The following PCCA variants were observed in gnomAD, a reference collection of about 807,000 sequenced individuals.
The protein encoded by PCCA is propionyl-CoA carboxylase subunit alpha, also known as propionyl-CoA carboxylase alpha chain, mitochondrial.
In PCCA, 74 loss-of-function variants were observed where a neutral mutation model predicts 101.3. That is an observed-to-expected ratio of 0.73 (90% CI 0.61 to 0.89). The LOEUF is 0.89. PCCA is among the 40% of genes least tolerant of loss of function. The pLI is 0.00. For missense variants in PCCA, 891 were observed against 907.0 expected (o/e 0.98, Z 0.23); for synonymous variants, 294 against 313.6 (o/e 0.94, Z 0.66).
At chr13:100,497,611 CAA>C (rs1421121476) in intron 21 of PCCA, among the ~76,000 whole-genome samples, 6 of 152,062 alleles carry the variant, frequency 3.9e-5, no homozygotes, top group Non-Finnish European at 8.8e-5. Context: ...AAATTCATGC[CAA>C]GTCATTTCCT....
At chr13:100,455,781 C>T (rs2081662689) in intron 21 of PCCA, among the ~76,000 whole-genome samples, 1 of 152,094 alleles carries the variant, frequency 6.6e-6, no homozygotes, top group African/African-American at 2.4e-5. Flanking sequence ...CTCACTCCAA[C>T]CTCCACCTCC....
chr13:100,184,105 A>C (rs2057037221), intron 6 of PCCA, among the ~76,000 whole-genome samples: 1 of 152,194 alleles, frequency 6.6e-6, no homozygotes, highest in African/African-American at 2.4e-5. Context: ...GGAAACTTAC[A>C]GTCATGGTGG....
chr13:100,257,550 A>G (rs191260627), intron 8 of PCCA, 45 bp from the exon 9 acceptor site: 3 of 1,310,598 alleles, frequency 2.3e-6, no homozygotes, highest in Admixed American at 1.7e-5. Context: ...CATACATCCC[A>G]ATGATCAAAG....
At chr13:100,291,240 T>C (rs1250691901) in intron 12 of PCCA, among the ~76,000 whole-genome samples, 1 of 152,128 alleles carries the variant, frequency 6.6e-6, no homozygotes, top group Non-Finnish European at 1.5e-5. Context: ...ATCATGCCAC[T>C]GCACTGAAGC....
In PCCA at chr13:100,451,715, C is replaced by CCTCTCTCTCTCT. The variant is rs71114697; in HGVS notation, c.1899+2423_1899+2434dup. On this transcript the variant is annotated intron_variant, in intron 21 of 23. Coordinates refer to ENST00000376285, the MANE Select transcript of PCCA (RefSeq NM_000282.4). ...CTCCTCTTCCCCTCCTCTCCTCTCT[C>CCTCTCTCTCTCT]CTCTCTCTCTCTCTCTCTCTCTCTT... Among the ~76,000 whole-genome samples the CCTCTCTCTCTCT allele has an allele frequency of 6.2e-3, 600 of 96,074 alleles. 22 individuals carry two copies. The highest frequency in any genetic ancestry group is 0.025 in the African/African-American group (546 of 22,040). 63.0% of individuals were successfully genotyped at this position (96,074 alleles called of 152,430 possible). A position where few individuals can be genotyped will look rare whatever the true frequency, so the allele number is the denominator to read the frequency against.
intron 20 of PCCA, among the ~76,000 whole-genome samples, chr13:100,434,074 T>C (rs2079753426): frequency 6.6e-6 from 1 of 152,214 alleles, no homozygotes; most frequent in Non-Finnish European, 1.5e-5. Flanking sequence ...TCTCTTGTAC[T>C]ATTTCTTCCT....
intron 6 of PCCA, among the ~76,000 whole-genome samples, chr13:100,196,008 A>C (rs971868215): frequency 6.6e-6 from 1 of 152,196 alleles, no homozygotes; most frequent in African/African-American, 2.4e-5. Context: ...GAAATGGAAA[A>C]CACTAACATA....
intron 6 of PCCA, among the ~76,000 whole-genome samples, chr13:100,179,608 C>T (rs2056595744): frequency 6.6e-6 from 1 of 152,156 alleles, no homozygotes; most frequent in South Asian, 2.1e-4. Flanking sequence ...AATTACCATG[C>T]TTTCTTTATC....
chr13:100,445,002 G>A (rs953219311), intron 20 of PCCA, among the ~76,000 whole-genome samples: 2 of 152,126 alleles, frequency 1.3e-5, no homozygotes, highest in Non-Finnish European at 2.9e-5. Context: ...TATTTGGCTC[G>A]TGATTCTGAT....
chr13:100,094,350 C>G (rs559224068), intron 1 of PCCA, among the ~76,000 whole-genome samples: 11 of 151,712 alleles, frequency 7.3e-5, no homozygotes, highest in Non-Finnish European at 1.3e-4. Context: ...TTTGACAACA[C>G]TCTTGAATAG....
At chr13:100,107,714 CTT>C (rs950929548) in intron 2 of PCCA, among the ~76,000 whole-genome samples, 2 of 152,120 alleles carry the variant, frequency 1.3e-5, no homozygotes, top group African/African-American at 4.8e-5. Flanking sequence ...CCTTAGTTTT[CTT>C]ATTTGTAAAA....
At chr13:100,453,234 GC>G (rs2081462176) in intron 21 of PCCA, among the ~76,000 whole-genome samples, 1 of 152,112 alleles carries the variant, frequency 6.6e-6, no homozygotes, top group South Asian at 2.1e-4. Context: ...GGGCATGGTG[GC>G]TCACACCTGT....
chr13:100,483,387 C>G (rs1187159535), intron 21 of PCCA, among the ~76,000 whole-genome samples: 1 of 152,236 alleles, frequency 6.6e-6, no homozygotes, highest in Non-Finnish European at 1.5e-5. Context: ...CTTTTCTCCT[C>G]TCAGCACACA....
chr13:100,328,412 TA>T (rs2069001076), intron 16 of PCCA, among the ~76,000 whole-genome samples: 1 of 148,878 alleles, frequency 6.7e-6, no homozygotes, highest in South Asian at 2.1e-4. Context: ...ATAATGATGA[TA>T]ATAATAATAT....
intron 12 of PCCA, among the ~76,000 whole-genome samples, chr13:100,289,526 GATTTT>G (rs2064967660): frequency 6.6e-6 from 1 of 151,434 alleles, no homozygotes; most frequent in Non-Finnish European, 1.5e-5. Flanking sequence ...TTAAATACTT[GATTTT>G]ATTTATTTTA....
At chr13:100,196,332 A>G (rs1322586165) in intron 6 of PCCA, among the ~76,000 whole-genome samples, 6 of 152,200 alleles carry the variant, frequency 3.9e-5, no homozygotes, top group Non-Finnish European at 8.8e-5. Context: ...CAGATATTAA[A>G]AACAGAAAGT....
intron 21 of PCCA, among the ~76,000 whole-genome samples, chr13:100,474,884 A>C (rs2083303713): frequency 6.6e-6 from 1 of 152,214 alleles, no homozygotes; most frequent in Non-Finnish European, 1.5e-5. Context: ...ATTGAGATAC[A>C]ATTAACGTAT....
chr13:100,206,589 C>T (rs530422812), intron 6 of PCCA, among the ~76,000 whole-genome samples: 1 of 152,238 alleles, frequency 6.6e-6, no homozygotes, highest in African/African-American at 2.4e-5. Context: ...ATCAAGACTT[C>T]TGGAGAGTGG....
chr13:100,468,701 G>A (rs1269099969), intron 21 of PCCA, among the ~76,000 whole-genome samples: 2 of 152,138 alleles, frequency 1.3e-5, no homozygotes, highest in Non-Finnish European at 2.9e-5. Flanking sequence ...TTAAGTGAAT[G>A]TTGTGGCTGG....
Sources: gnomAD v4.1 joint callset for allele counts (sites outside exome capture counted in the v4.1 genomes callset) on GRCh38, gnomAD v4.1.1 for gene constraint, MANE v1.5 for transcripts, NCBI Gene and HGNC (gene_info 2026-07-23, HGNC 2026-07-21) for gene names.